The following PSD3 variants were observed in gnomAD, a reference collection of about 807,000 sequenced individuals.
PSD3 encodes PH and SEC7 domain-containing protein 3.
Under a neutral mutation model 105.5 loss-of-function variants are expected in PSD3, and 49 were observed. That is an observed-to-expected ratio of 0.46 (90% confidence interval 0.37 to 0.59). The LOEUF (loss-of-function observed/expected upper bound fraction) is 0.59, where lower values mean the gene tolerates loss of function less well. Ranked by LOEUF, PSD3 falls within the 20% of genes least tolerant of loss-of-function variation. The probability of loss-of-function intolerance (pLI) is 0.00; values close to 1 mark genes in which losing one functional copy is unlikely to be tolerated. For missense variants in PSD3, 1,561 were observed against 1,263.8 expected (o/e 1.24, Z -3.57); for synonymous variants, 557 against 457.8 (o/e 1.22, Z -2.77).
chr8:18,605,685 T>C (rs947608585), intron 11 of PSD3, among the ~76,000 whole-genome samples: 6 of 152,150 alleles, frequency 3.9e-5, no homozygotes, highest in African/African-American at 1.2e-4. Flanking sequence ...TCATGCTAAA[T>C]TGTAATTCCC....
intron 12 of PSD3, among the ~76,000 whole-genome samples, chr8:18,596,065 C>G (rs952684158): frequency 5.9e-5 from 9 of 151,650 alleles, no homozygotes; most frequent in African/African-American, 2.2e-4. Context: ...ATTGTCCAAT[C>G]ACAAAGAAAG....
intron 14 of PSD3, among the ~76,000 whole-genome samples, chr8:18,559,727 A>G (rs930175699): frequency 6.6e-6 from 1 of 152,148 alleles, no homozygotes; most frequent in Non-Finnish European, 1.5e-5. Context: ...GAATATTCAA[A>G]TGTCTCTTTT....
chr8:18,704,540 G>A (rs778706848), intron 9 of PSD3, among the ~76,000 whole-genome samples: 15 of 152,054 alleles, frequency 9.9e-5, no homozygotes, highest in Admixed American at 2.0e-4. Flanking sequence ...GTTTCCCCAC[G>A]CTGGCCAGGC....
At chr8:18,690,973 G>A (rs1346193041) in intron 9 of PSD3, among the ~76,000 whole-genome samples, 1 of 151,696 alleles carries the variant, frequency 6.6e-6, no homozygotes, top group Non-Finnish European at 1.5e-5. Flanking sequence ...CAACCTTAAT[G>A]AACAATCACT....
chr8:18,886,001 A>C (rs1465995666), intron 2 of PSD3, among the ~76,000 whole-genome samples: 2 of 152,140 alleles, frequency 1.3e-5, no homozygotes, highest in African/African-American at 4.8e-5. Flanking sequence ...GCTGTACTTC[A>C]GGCACACAGA....
chr8:18,956,948 CAT>C (rs1248792478), intron 1 of PSD3, among the ~76,000 whole-genome samples: 2 of 152,158 alleles, frequency 1.3e-5, no homozygotes, highest in African/African-American at 4.8e-5. Context: ...ATAAAAATAA[CAT>C]AGGGATAACC....
intron 1 of PSD3, among the ~76,000 whole-genome samples, chr8:18,965,627 G>A (rs1586542306): frequency 2.6e-5 from 4 of 152,178 alleles, no homozygotes; most frequent in African/African-American, 7.2e-5. Flanking sequence ...AGATAGACTC[G>A]AAGCTGCAAA....
chr8:18,660,637 T>C (rs749330320), intron 9 of PSD3, among the ~76,000 whole-genome samples: 49 of 152,186 alleles, frequency 3.2e-4, no homozygotes, highest in Non-Finnish European at 4.7e-4. Flanking sequence ...AAACACTGAT[T>C]ATTGTGCCCT....
At chr8:18,575,101 A>G (rs1802390311) in intron 13 of PSD3, 27 bp downstream of exon 13, 2 of 1,604,998 alleles carry the variant, frequency 1.2e-6, no homozygotes, top group Non-Finnish European at 1.7e-6. Context: ...TAAAACACAA[A>G]ATCAAATAAA....
At chr8:18,817,538 T>G (rs1487758334) in intron 4 of PSD3, among the ~76,000 whole-genome samples, 1 of 152,230 alleles carries the variant, frequency 6.6e-6, no homozygotes, top group African/African-American at 2.4e-5. Flanking sequence ...TCAGTACAAC[T>G]GTCCTAAATC....
intron 14 of PSD3, among the ~76,000 whole-genome samples, chr8:18,563,772 G>A (rs773481666): frequency 3.9e-5 from 6 of 152,180 alleles, no homozygotes; most frequent in Non-Finnish European, 8.8e-5. Flanking sequence ...CCACATCAAA[G>A]AGTTTGAATG....
intron 1 of PSD3, among the ~76,000 whole-genome samples, chr8:18,966,271 A>G (rs1824238224): frequency 6.6e-6 from 1 of 152,176 alleles, no homozygotes; most frequent in South Asian, 2.1e-4. Context: ...TAGGCTGTCA[A>G]ACAGAGTCAT....
intron 14 of PSD3, among the ~76,000 whole-genome samples, chr8:18,563,512 AATTT>A (rs558098377): frequency 0.01 from 1,588 of 152,244 alleles, 29 homozygotes; most frequent in African/African-American, 0.034. Flanking sequence ...AGTGGTACAG[AATTT>A]AGAATACAGA....
At chr8:19,084,254 C>G (rs1265675044) in exon 1 of PSD3, 2 of 455,512 alleles carry the variant, frequency 4.4e-6, no homozygotes, top group Non-Finnish European at 8.8e-6. Context: ...TGCTGGTGTG[C>G]ACAGCTGGAC....
At chr8:19,081,091 T>C (rs10101681) in intron 1 of PSD3, among the ~76,000 whole-genome samples, 84,486 of 151,960 alleles carry the variant, frequency 0.56, 24,608 homozygotes, top group Non-Finnish European at 0.65. Flanking sequence ...ACATGAGGCC[T>C]GGGAGATGGT....
intron 9 of PSD3, among the ~76,000 whole-genome samples, chr8:18,671,317 T>G (rs1279275137): frequency 1.3e-5 from 2 of 152,152 alleles, no homozygotes; most frequent in Non-Finnish European, 2.9e-5. Context: ...AATTTGAACT[T>G]CAGATAAATA....
chr8:18,615,161 C>G (rs1020257957), intron 11 of PSD3, among the ~76,000 whole-genome samples: 3 of 95,662 alleles, frequency 3.1e-5, no homozygotes, highest in African/African-American at 6.8e-5. Flanking sequence ...CTACTCCACC[C>G]TGACTCATTC....
chr8:18,584,055 C>A (rs780074567), intron 12 of PSD3, among the ~76,000 whole-genome samples: 28 of 152,144 alleles, frequency 1.8e-4, no homozygotes, highest in Non-Finnish European at 3.7e-4. Context: ...AGGATGCCAA[C>A]AGTTCCACAT....
At chr8:18,579,158 G>A (rs1295005011) in intron 12 of PSD3, among the ~76,000 whole-genome samples, 2 of 147,062 alleles carry the variant, frequency 1.4e-5, no homozygotes, top group East Asian at 2.0e-4. Flanking sequence ...AGAGTAGAGT[G>A]GAAACATTAG....
Sources: allele counts gnomAD v4.1 joint callset (sites outside exome capture counted in the v4.1 genomes callset), GRCh38; gene constraint gnomAD v4.1.1; transcripts MANE v1.5; gene names NCBI Gene and HGNC (gene_info 2026-07-23, HGNC 2026-07-21).